Variants in KHDRBS2 observed in about 807,000 individuals in gnomAD.
KHDRBS2 encodes the protein KH RNA binding domain containing, signal transduction associated 2, also known as KH domain-containing, RNA-binding, signal transduction-associated protein 2.
KHDRBS2 carries 26 observed loss-of-function variants against 44.3 expected under a neutral mutation model. That is an observed-to-expected ratio of 0.59 (90% CI 0.43 to 0.81). The LOEUF is 0.81. Ranked by LOEUF, KHDRBS2 falls within the 40% of genes least tolerant of loss-of-function variation. The pLI is 0.00. For synonymous variants in KHDRBS2, 194 were observed against 151.1 expected (o/e 1.28, Z -2.08); for missense variants, 476 against 433.1 (o/e 1.10, Z -0.88).
chr6:61,948,606 G>T (rs1283085256), intron 4 of KHDRBS2, among the ~76,000 whole-genome samples: 1 of 151,174 alleles, frequency 6.6e-6, no homozygotes, highest in African/African-American at 2.4e-5. Flanking sequence ...AAGCAACATT[G>T]TGAGGGTTAA....
chr6:62,071,802 T>G (rs1383647823), intron 2 of KHDRBS2, among the ~76,000 whole-genome samples: 1 of 152,326 alleles, frequency 6.6e-6, no homozygotes, highest in African/African-American at 2.4e-5. Flanking sequence ...TCTTTCGGCT[T>G]AGGATTGATT....
chr6:61,733,312 C>T (rs1283596750), intron 6 of KHDRBS2, among the ~76,000 whole-genome samples: 3 of 152,096 alleles, frequency 2.0e-5, no homozygotes, highest in Admixed American at 1.3e-4. Context: ...ACTTCGTGGC[C>T]GGGCCTGGCG....
chr6:62,185,542 T>C (rs577955335), intron 1 of KHDRBS2, among the ~76,000 whole-genome samples: 6 of 152,092 alleles, frequency 3.9e-5, no homozygotes, highest in African/African-American at 9.6e-5. Context: ...GATCCATTAA[T>C]GACAAATCAG....
chr6:62,198,105 T>G (rs573122171), intron 1 of KHDRBS2, among the ~76,000 whole-genome samples: 1 of 152,140 alleles, frequency 6.6e-6, no homozygotes, highest in Non-Finnish European at 1.5e-5. Context: ...GAGGGAAATT[T>G]ACAGCACTAA....
At chr6:61,783,621 A>T (rs1783359502) in intron 6 of KHDRBS2, among the ~76,000 whole-genome samples, 1 of 152,166 alleles carries the variant, frequency 6.6e-6, no homozygotes, top group Admixed American at 6.6e-5. Context: ...GAATTATAAA[A>T]TCAAATCGAT....
At chr6:62,064,619 C>T (rs1584463668) in intron 2 of KHDRBS2, among the ~76,000 whole-genome samples, 1 of 150,196 alleles carries the variant, frequency 6.7e-6, no homozygotes, top group Non-Finnish European at 1.5e-5. Flanking sequence ...ACACCTTATA[C>T]AAAAATCAAT....
At chr6:61,590,745 C>A in the KHDRBS2 span, among the ~76,000 whole-genome samples, 2 of 152,082 alleles carry the variant, frequency 1.3e-5, no homozygotes, top group Non-Finnish European at 2.9e-5. Context: ...ACTGAGCTAA[C>A]AATATGACAT....
intron 7 of KHDRBS2, among the ~76,000 whole-genome samples, chr6:61,700,489 T>C (rs1414118125): frequency 6.6e-6 from 1 of 151,014 alleles, no homozygotes; most frequent in African/African-American, 2.4e-5. Context: ...AAATGGACTC[T>C]GCCACAGTCT....
downstream of KHDRBS2, among the ~76,000 whole-genome samples, chr6:61,676,222 G>A (rs1271470376): frequency 6.6e-6 from 1 of 151,784 alleles, no homozygotes; most frequent in Non-Finnish European, 1.5e-5. Flanking sequence ...CTCTGTCTCT[G>A]GAGAAGCCTA....
chr6:62,206,981 T>C (rs1385340380), intron 1 of KHDRBS2, among the ~76,000 whole-genome samples: 1 of 152,120 alleles, frequency 6.6e-6, no homozygotes, highest in Non-Finnish European at 1.5e-5. Flanking sequence ...TACAGGTACA[T>C]ATACATGCCT....
the KHDRBS2 span, among the ~76,000 whole-genome samples, chr6:61,669,804 A>G: frequency 6.6e-6 from 1 of 151,042 alleles, no homozygotes; most frequent in Admixed American, 6.6e-5. Flanking sequence ...CACACTCTAG[A>G]GTGTGTACTA....
At position 61,790,693 on chromosome 6, in the gene KHDRBS2, T is replaced by A. The variant is rs142842537; in HGVS notation, c.811-57929A>T. ...TATTCATTGTTTAGGAATTTTTGCA[T>A]CTGTGCTTATGCACAGTAGCATTCA... On this transcript the variant is annotated intron_variant, in intron 6 of 8. Transcript: ENST00000281156. Among the ~76,000 whole-genome samples, 5 of 151,738 alleles carry A rather than the reference T, an allele frequency of 3.3e-5. No individual in the cohort carries two copies. In the East Asian group the frequency reaches 9.6e-4, roughly 29 times the overall value.
chr6:62,167,461 T>C (rs1394661742), intron 2 of KHDRBS2, among the ~76,000 whole-genome samples: 1 of 152,156 alleles, frequency 6.6e-6, no homozygotes, highest in Non-Finnish European at 1.5e-5. Flanking sequence ...CTAGACATAA[T>C]ACCACTGAAA....
At chr6:62,046,277 G>GA (rs1787672108) in intron 3 of KHDRBS2, among the ~76,000 whole-genome samples, 2 of 151,792 alleles carry the variant, frequency 1.3e-5, no homozygotes, top group Admixed American at 6.6e-5. Context: ...TTATGAACAG[G>GA]AAAAAATGTC....
chr6:62,169,695 G>C (rs1295285014), intron 2 of KHDRBS2, among the ~76,000 whole-genome samples: 1 of 152,028 alleles, frequency 6.6e-6, no homozygotes, highest in Non-Finnish European at 1.5e-5. Context: ...CAAGACTAGG[G>C]ATGGGAAAAT....
chr6:61,773,927 C>A, intron 6 of KHDRBS2, among the ~76,000 whole-genome samples: 1 of 151,976 alleles, frequency 6.6e-6, no homozygotes, highest in East Asian at 1.9e-4. Flanking sequence ...TTGTTTTTCT[C>A]AGGTTTGTCA....
chr6:61,558,887 T>C, the KHDRBS2 span, among the ~76,000 whole-genome samples: 1 of 152,168 alleles, frequency 6.6e-6, no homozygotes, highest in Non-Finnish European at 1.5e-5. Context: ...GGAATATGTG[T>C]TCTGCAGCCA....
intron 6 of KHDRBS2, among the ~76,000 whole-genome samples, chr6:61,865,692 T>G (rs1797681355): frequency 6.6e-6 from 1 of 152,092 alleles, no homozygotes; most frequent in South Asian, 2.1e-4. Context: ...TCCCCCAAAG[T>G]CTTAATTCAT....
At chr6:62,126,873 T>C (rs1268295253) in intron 2 of KHDRBS2, among the ~76,000 whole-genome samples, 1 of 152,222 alleles carries the variant, frequency 6.6e-6, no homozygotes, top group East Asian at 1.9e-4. Flanking sequence ...AACCATGATT[T>C]ATTTAACTTT....
Sources: allele counts gnomAD v4.1 joint callset (sites outside exome capture counted in the v4.1 genomes callset), GRCh38; gene constraint gnomAD v4.1.1; transcripts MANE v1.5; gene names NCBI Gene and HGNC (gene_info 2026-07-23, HGNC 2026-07-21).